ERG: variants seen among roughly 807,000 people sequenced by gnomAD.
ERG encodes ETS transcription factor ERG.
In ERG, 9 loss-of-function variants were observed where a neutral mutation model predicts 55.3. The observed-to-expected ratio is 0.16, with a 90% confidence interval of 0.10 to 0.28. The LOEUF (loss-of-function observed/expected upper bound fraction) is 0.28. ERG is among the 10% of genes least tolerant of loss of function. The pLI is 1.00. For missense variants in ERG, 434 were observed against 631.6 expected, an observed-to-expected ratio of 0.69 and a Z score of 3.35; for synonymous variants, 223 against 237.3, an observed-to-expected ratio of 0.94 and a Z score of 0.55.
At chr21:38,480,591 CTTTTTTTTTT>C (rs544037525) in intron 1 of ERG, among the ~76,000 whole-genome samples, 816 of 51,210 alleles carry the variant, frequency 0.016, 16 homozygotes, top group Non-Finnish European at 0.022. Flanking sequence ...ACTATATGGC[CTTTTTTTTTT>C]TTTTTTTTTT....
intron 2 of ERG, among the ~76,000 whole-genome samples, chr21:38,527,187 CATA>C: frequency 6.6e-6 from 1 of 152,150 alleles, no homozygotes; most frequent in East Asian, 1.9e-4. Flanking sequence ...AATTCAAGGG[CATA>C]ATATTAGACT....
In ERG at chr21:38,487,985, G is replaced by A. The variant is rs530344884; in HGVS notation, c.18+10378C>T. Among the ~76,000 whole-genome samples the A allele has an allele frequency of 3.9e-5, 6 of 152,192 alleles. No homozygotes were observed. The South Asian group carries it at 8.3e-4, about 21-fold the overall frequency. On this transcript the variant is annotated intron_variant, in intron 1 of 9. Coordinates refer to ENST00000288319, the MANE Select transcript of ERG (RefSeq NM_182918.4). ...AATAACATCTACGTGAGACATGACA[G>A]CATCTCACCATGTCTGGCAGTCTCT...
chr21:38,469,002 G>GAAAAAAAAAAAAAAAA (rs796522125), intron 1 of ERG, among the ~76,000 whole-genome samples: 1 of 62,098 alleles, frequency 1.6e-5, no homozygotes, highest in Non-Finnish European at 3.9e-5. Flanking sequence ...AAAAAAAAAA[G>GAAAAAAAAAAAAAAAA]AAAAAAAAAA....
At chr21:38,579,807 C>A (rs1276120486) in intron 1 of ERG, among the ~76,000 whole-genome samples, 1 of 149,410 alleles carries the variant, frequency 6.7e-6, no homozygotes, top group Non-Finnish European at 1.5e-5. Context: ...CCTCCTCAAC[C>A]CACACGGATC....
chr21:38,622,027 C>G (rs899286496), intron 1 of ERG, among the ~76,000 whole-genome samples: 3 of 152,242 alleles, frequency 2.0e-5, no homozygotes, highest in Non-Finnish European at 4.4e-5. Flanking sequence ...CCTGCAGGAG[C>G]CTGAGTCCTA....
chr21:38,586,567 A>C (rs2060066544), upstream of ERG, among the ~76,000 whole-genome samples: 1 of 152,144 alleles, frequency 6.6e-6, no homozygotes, highest in Non-Finnish European at 1.5e-5. Flanking sequence ...CAAAAAGACA[A>C]GTGTTGGTGG....
At chr21:38,508,999 C>T (rs1183295373) in intron 2 of ERG, among the ~76,000 whole-genome samples, 1 of 152,162 alleles carries the variant, frequency 6.6e-6, no homozygotes, top group African/African-American at 2.4e-5. Context: ...AGTCCCAGCC[C>T]ACAGCCAGCA....
chr21:38,567,638 C>T (rs1159821764), intron 2 of ERG, among the ~76,000 whole-genome samples: 1 of 152,210 alleles, frequency 6.6e-6, no homozygotes, highest in Non-Finnish European at 1.5e-5. Flanking sequence ...CTTTCACCTT[C>T]CTGTGAAGCA....
intron 9 of ERG, among the ~76,000 whole-genome samples, chr21:38,389,494 G>C (rs906890088): frequency 6.6e-6 from 1 of 151,822 alleles, no homozygotes; most frequent in South Asian, 2.1e-4. Context: ...ATTGCTGCCA[G>C]ATCAGTCTTC....
intron 2 of ERG, among the ~76,000 whole-genome samples, chr21:38,504,097 A>T (rs2059442518): frequency 6.6e-6 from 1 of 152,186 alleles, no homozygotes; most frequent in Non-Finnish European, 1.5e-5. Flanking sequence ...ATCCAATTAC[A>T]ATTTAAATAA....
At chr21:38,584,736 G>C (rs1395799537) in intron 1 of ERG, 1 of 152,130 alleles carries the variant, frequency 6.6e-6, no homozygotes, top group Admixed American at 6.5e-5. Context: ...TGGAGGTTTG[G>C]AACCATGAAA....
At position 38,423,547 on chromosome 21, in the gene ERG, T is replaced by C; in HGVS notation, c.251A>G (p.Glu84Gly). ...CTTCCCGCCTTTGGCCACACTGCAT[T>C]CATCAGGAGAGTTCCTGGAGGAGAA... ...QVNGSRNSPDECSVAKGGKMV... is the reference protein window; with the variant it reads ...QVNGSRNSPDGCSVAKGGKMV... Residue 84 changes from glutamate (E) to glycine (G), a missense_variant, in exon 3 of 10, where the codon GAA becomes GGA. Physicochemically the swap from Glu to Gly is moderately conservative, Grantham distance 98. This residue lies in a region of ERG where 212 missense variants were observed against 262.9 expected (regional missense o/e 0.81). Transcript: ENST00000288319. The C allele has an allele frequency of 6.2e-7, 1 of 1,612,078 alleles. No homozygotes were observed. The highest frequency in any genetic ancestry group is 1.3e-5 in the African/African-American group (1 of 74,992).
chr21:38,382,275 G>GT lies in ERG; in HGVS notation c.*1127_*1128insA, dbSNP rs1987476996. 2.5e-5 allele frequency: 26 copies of GT among 1,051,246 alleles called. No homozygotes were observed. The highest frequency in any genetic ancestry group is 2.9e-5 in the Non-Finnish European group (25 of 870,262). 65.1% of individuals were successfully genotyped at this position (1,051,246 alleles called of 1,614,324 possible). ...ACTTGTATACTTCATTCTGACAAAC[G>GT]CACAGCGTTCGCGACTCAAAGGAAA... On this transcript the variant is annotated 3_prime_UTR_variant, in exon 10 of 10. Coordinates refer to ENST00000288319, the MANE Select transcript of ERG (RefSeq NM_182918.4).
the ERG span, among the ~76,000 whole-genome samples, chr21:38,368,258 C>T: frequency 0.29 from 43,938 of 151,870 alleles, 6,461 homozygotes; most frequent in African/African-American, 0.34. Context: ...GTTTGTTTTG[C>T]TTTTTTCACT....
At chr21:38,436,373 A>G (rs562496458) in intron 2 of ERG, among the ~76,000 whole-genome samples, 2 of 152,334 alleles carry the variant, frequency 1.3e-5, no homozygotes, top group East Asian at 3.9e-4. Context: ...TGTAACATAT[A>G]CAAAAAATCA....
intron 1 of ERG, among the ~76,000 whole-genome samples, chr21:38,630,601 T>C (rs1047713874): frequency 3.3e-5 from 5 of 152,228 alleles, no homozygotes; most frequent in African/African-American, 1.2e-4. Flanking sequence ...CAAGGGAAGC[T>C]GGGCAATGTT....
intron 1 of ERG, among the ~76,000 whole-genome samples, chr21:38,480,057 C>T (rs1006844346): frequency 6.6e-6 from 1 of 152,122 alleles, no homozygotes; most frequent in African/African-American, 2.4e-5. Flanking sequence ...GATACCGTGA[C>T]AGTCGATCCC....
intron 3 of ERG, among the ~76,000 whole-genome samples, chr21:38,408,762 G>C (rs1452442412): frequency 6.6e-6 from 1 of 152,154 alleles, no homozygotes; most frequent in Non-Finnish European, 1.5e-5. Flanking sequence ...GTTCCTATGA[G>C]ATTCAGCAGG....
At chr21:38,465,053 A>T (rs1164773655) in intron 1 of ERG, among the ~76,000 whole-genome samples, 1 of 152,182 alleles carries the variant, frequency 6.6e-6, no homozygotes, top group Non-Finnish European at 1.5e-5. Flanking sequence ...ACCTCCAAGG[A>T]ATGCAAGCCC....
Sources: gnomAD v4.1 joint callset for allele counts (sites outside exome capture counted in the v4.1 genomes callset) on GRCh38, gnomAD v4.1.1 for gene constraint, gnomAD v4.1.1 regional missense constraint, MANE v1.5 for transcripts, NCBI Gene and HGNC (gene_info 2026-07-23, HGNC 2026-07-21) for gene names.